Variants in TJP1 observed in about 807,000 individuals in gnomAD.
TJP1 encodes the protein tight junction protein 1, also known as tight junction protein ZO-1.
A neutral mutation model predicts 194.2 loss-of-function variants in TJP1; 43 were observed. The ratio of observed to expected loss-of-function variants is 0.22; its 90% CI spans 0.17 to 0.29. TJP1 has a LOEUF of 0.29. Ranked by LOEUF, TJP1 falls within the 10% of genes least tolerant of loss-of-function variation. The pLI, the probability that TJP1 is intolerant of heterozygous loss-of-function variation, is 1.00. For missense variants in TJP1, 1,971 were observed against 2,185.7 expected (o/e 0.90, Z 1.96); for synonymous variants, 801 against 779.0 (o/e 1.03, Z -0.47).
At chr15:29,930,006 A>G (rs183260510) in intron 2 of TJP1, among the ~76,000 whole-genome samples, 181 of 152,326 alleles carry the variant, frequency 1.2e-3, no homozygotes, top group African/African-American at 4.3e-3. Context: ...TTCCAAAAAT[A>G]AGTAACATTA....
At chr15:29,968,814 A>C in exon 1 of TJP1, 9 of 1,113,888 alleles carry the variant, frequency 8.1e-6, no homozygotes, top group Non-Finnish European at 1.0e-5. Context: ...CCGCCGCCGC[A>C]GACACAGCCC....
intron 2 of TJP1, among the ~76,000 whole-genome samples, chr15:29,920,419 C>T (rs1266737936): frequency 2.0e-5 from 3 of 152,176 alleles, no homozygotes; most frequent in African/African-American, 7.2e-5. Context: ...GTTAGACTTA[C>T]TCCACCTCAG....
chr15:29,943,542 T>G (rs1440528863), intron 2 of TJP1, among the ~76,000 whole-genome samples: 1 of 142,342 alleles, frequency 7.0e-6, no homozygotes, highest in Non-Finnish European at 1.5e-5. Flanking sequence ...GCAGGAGAAT[T>G]GCTGGAACTG....
rs369354122 is a variant in TJP1, at chr15:29,710,871, G to A, written c.4332C>T (p.Ser1444=). The A allele has an allele frequency of 5.0e-5, 80 of 1,614,046 alleles. No homozygotes were observed. The highest frequency in any genetic ancestry group is 4.7e-4 in the African/African-American group (35 of 75,008). Reference sequence around the variant, plus strand: ...CCTTAGAATGTATGTGGAGAGACGCGCTGGTGACAGGCTGAGATGGCTGGG... The same window carrying A: ...CCTTAGAATGTATGTGGAGAGACGCACTGGTGACAGGCTGAGATGGCTGGG... ...QYAQPSQPVT[S]ASLHIHSKGA... The change falls in exon 24 of 28, where the codon AGC becomes AGT. Residue 1444 remains serine, a synonymous_variant. Coordinates refer to ENST00000614355, the MANE Select transcript of TJP1 (RefSeq NM_001330239.4).
rs139693800 is a variant in TJP1 at position 29,844,393 on chromosome 15, G to A, written c.307-43691C>T. The stretch of plus-strand genomic sequence containing the variant: ...CCACAGTGGCTGTTCTAACAGAAAC[G>A]CTGCTGCTGTGCAGAGAAGGAAGGC... On this transcript the variant is annotated intron_variant, in intron 2 of 28. Coordinates refer to the TJP1 transcript ENST00000356107. Among the ~76,000 whole-genome samples the A allele has an allele frequency of 5.2e-3, 791 of 152,214 alleles. 5 individuals are homozygous for A. Among genetic ancestry groups the A allele is most frequent in the African/African-American group, 0.017 (725 of 41,532 alleles).
chr15:29,793,176 GC>G (rs1204872341), intron 2 of TJP1, among the ~76,000 whole-genome samples: 3 of 152,106 alleles, frequency 2.0e-5, no homozygotes, highest in Non-Finnish European at 4.4e-5. Flanking sequence ...GGGCTTCCTT[GC>G]CTTCTTCCAG....
chr15:29,745,868 T>A (rs1211472702), intron 8 of TJP1, among the ~76,000 whole-genome samples: 1 of 152,204 alleles, frequency 6.6e-6, no homozygotes, highest in Non-Finnish European at 1.5e-5. Context: ...GATCTCTTAA[T>A]TATTAAAAGA....
chr15:29,926,920 G>C (rs1215855439), intron 2 of TJP1, among the ~76,000 whole-genome samples: 2 of 152,064 alleles, frequency 1.3e-5, no homozygotes, highest in East Asian at 1.9e-4. Context: ...AATTACCCTA[G>C]TATTCAAGCT....
At chr15:29,888,109 T>C (rs2053181358) in intron 2 of TJP1, among the ~76,000 whole-genome samples, 1 of 152,172 alleles carries the variant, frequency 6.6e-6, no homozygotes, top group Non-Finnish European at 1.5e-5. Flanking sequence ...TGTATAATAG[T>C]ATTTCAAAGT....
intron 1 of TJP1, among the ~76,000 whole-genome samples, chr15:29,815,914 T>C (rs1410506130): frequency 6.6e-6 from 1 of 152,170 alleles, no homozygotes; most frequent in Non-Finnish European, 1.5e-5. Flanking sequence ...ACTACTGTAC[T>C]TTTTTTCCTT....
chr15:29,853,029 A>G (rs1457809428), intron 2 of TJP1, among the ~76,000 whole-genome samples: 1 of 152,218 alleles, frequency 6.6e-6, no homozygotes, highest in Non-Finnish European at 1.5e-5. Context: ...GAATGGTTAA[A>G]CTGTGGTATT....
intron 2 of TJP1, among the ~76,000 whole-genome samples, chr15:29,871,794 CAA>C (rs1460585538): frequency 6.6e-6 from 1 of 152,250 alleles, no homozygotes; most frequent in African/African-American, 2.4e-5. Context: ...CAACAATCCA[CAA>C]AGTTTCTTGC....
Position 29,761,186 on chromosome 15 carries a change from C to A in TJP1, c.963G>T (p.Glu321Asp), listed in dbSNP as rs761725816. The change falls in exon 8 of 28, where the codon GAG becomes GAT. Residue 321 changes from glutamate (E) to aspartate (D), a missense_variant. Coordinates refer to ENST00000614355, the MANE Select transcript of TJP1 (RefSeq NM_001330239.4). Reference sequence around the variant, plus strand: ...GCGAGTGCCTGGAATGATCAGAAGGCTCTGACCGCTGGTCAGGAGATCGTG... The same window carrying A: ...GCGAGTGCCTGGAATGATCAGAAGGATCTGACCGCTGGTCAGGAGATCGTG... Reference protein sequence around the residue: ...SRSRSPDQRSEPSDHSRHSPQ... With the variant: ...SRSRSPDQRSDPSDHSRHSPQ... 2 of 1,613,846 alleles carry A rather than the reference C, an allele frequency of 1.2e-6. No individual in the cohort carries two copies. Among genetic ancestry groups the A allele is most frequent in the East Asian group, 4.5e-5 (2 of 44,870 alleles).
intron 2 of TJP1, among the ~76,000 whole-genome samples, chr15:29,796,584 T>C (rs975993214): frequency 6.6e-5 from 10 of 152,200 alleles, no homozygotes; most frequent in Admixed American, 6.5e-4. Context: ...AAATGTTAAT[T>C]ATCCCCAATG....
intron 1 of TJP1, among the ~76,000 whole-genome samples, chr15:29,812,913 T>G (rs1274908516): frequency 2.0e-5 from 3 of 152,190 alleles, no homozygotes; most frequent in Non-Finnish European, 4.4e-5. Context: ...CTGACTTGAT[T>G]TTTATAGGTG....
rs755122730 is a variant in TJP1, at chr15:29,710,904, C to T, written c.4299G>A (p.Ser1433=). 2.0e-5 allele frequency: 32 copies of T among 1,613,940 alleles called. No homozygotes were observed. Among genetic ancestry groups the T allele is most frequent in the South Asian group, 5.5e-5 (5 of 91,080 alleles). ...CAGGCTGAGATGGCTGGGCATACTG[C>T]GAGGGCAATGGAGGAGGAGGGGGAG... is the stretch of plus-strand genomic sequence containing the variant. The part of the protein sequence containing the change: ...QATPPPPPLP[S]QYAQPSQPVT... Residue 1433 remains serine, a synonymous_variant, in exon 24 of 28, where the codon TCG becomes TCA. Coordinates refer to ENST00000614355, the MANE Select transcript of TJP1 (RefSeq NM_001330239.4).
intron 1 of TJP1, among the ~76,000 whole-genome samples, chr15:29,815,451 T>C (rs1475849189): frequency 1.3e-5 from 2 of 152,236 alleles, no homozygotes; most frequent in Non-Finnish European, 2.9e-5. Flanking sequence ...ACATAAACTA[T>C]CTTTTTATTT....
chr15:29,726,992 C>T lies in TJP1; in HGVS notation c.2101-1G>A. The stretch of plus-strand genomic sequence containing the variant: ...TTACATCTAATAAAGCATGTTTGTC[C>T]TAGAAACAGAAAGAAAAATATATAC... On this transcript the variant is annotated splice_acceptor_variant, in intron 16 of 27. Coordinates refer to ENST00000614355, the MANE Select transcript of TJP1 (RefSeq NM_001330239.4). LOFTEE classifies it high-confidence loss of function. 1 of 1,612,070 alleles carries T rather than the reference C, an allele frequency of 6.2e-7. No homozygotes were observed. The highest frequency in any genetic ancestry group is 8.5e-7 in the Non-Finnish European group (1 of 1,179,168).
At chr15:29,770,530 A>G (rs1278881356) in intron 4 of TJP1, among the ~76,000 whole-genome samples, 3 of 151,922 alleles carry the variant, frequency 2.0e-5, no homozygotes, top group East Asian at 3.9e-4. Flanking sequence ...CCTGGCTAAC[A>G]TGGTGAAACC....
Sources: gnomAD v4.1 joint callset for allele counts (sites outside exome capture counted in the v4.1 genomes callset) on GRCh38, gnomAD v4.1.1 for gene constraint, MANE v1.5 for transcripts, NCBI Gene and HGNC (gene_info 2026-07-23, HGNC 2026-07-21) for gene names.